The following LYPD1 variants were observed in gnomAD, a reference collection of about 807,000 sequenced individuals.
LYPD1 encodes the protein LY6/PLAUR domain containing 1, also known as ly6/PLAUR domain-containing protein 1.
LYPD1 carries 14 observed loss-of-function variants against 14.2 expected under a neutral mutation model. The observed-to-expected ratio is 0.99, with a 90% CI of 0.65 to 1.54. LYPD1 has a LOEUF of 1.54. LYPD1 is among the 40% of genes most tolerant of loss of function. The probability of loss-of-function intolerance (pLI) is 0.00; values close to 1 mark genes in which losing one functional copy is unlikely to be tolerated. For synonymous variants in LYPD1, 85 were observed against 70.6 expected (o/e 1.20, Z -1.02); for missense variants, 165 against 175.7 (o/e 0.94, Z 0.34).
chr2:132,661,760 AT>A (rs1290107443), intron 2 of LYPD1, among the ~76,000 whole-genome samples: 1 of 152,164 alleles, frequency 6.6e-6, no homozygotes, highest in East Asian at 1.9e-4. Flanking sequence ...GTGACTGCTA[AT>A]AAAATAAAGT....
chr2:132,665,845 T>A (rs994259458), intron 2 of LYPD1, among the ~76,000 whole-genome samples: 1 of 152,176 alleles, frequency 6.6e-6, no homozygotes, highest in Non-Finnish European at 1.5e-5. Context: ...TGAACAAAAC[T>A]CCCAGCAAGA....
chr2:132,667,037 T>A (rs1458180886), intron 2 of LYPD1: 2 of 152,182 alleles, frequency 1.3e-5, no homozygotes, highest in African/African-American at 4.8e-5. Flanking sequence ...GGCAGTAAAT[T>A]CTTTGCTCAG....
intron 2 of LYPD1, among the ~76,000 whole-genome samples, chr2:132,654,001 ACG>A (rs1324951092): frequency 9.8e-5 from 2 of 20,408 alleles, no homozygotes; most frequent in East Asian, 3.3e-3. Context: ...ATGAAATGCA[ACG>A]TGGGATCCTG....
rs1204134148 is a variant in LYPD1 at position 132,669,004 on chromosome 2, A to T, written c.53-467T>A. On this transcript the variant is annotated intron_variant, in intron 1 of 2. Transcript: ENST00000397463. The surrounding 1 kb of genome is among the most constrained non-coding windows in gnomAD (Gnocchi z 4.3). ...TTAGTTTTTATTTATTTAATTTTTAAAGTCAGCGTTTCTGTGCCAGGGCTC... is the reference window on the plus strand; with the variant it reads ...TTAGTTTTTATTTATTTAATTTTTATAGTCAGCGTTTCTGTGCCAGGGCTC... Among the ~76,000 whole-genome samples, 2 of 152,180 alleles carry T rather than the reference A, an allele frequency of 1.3e-5. No individual in the cohort carries two copies. Among genetic ancestry groups the T allele is most frequent in the Non-Finnish European group, 1.5e-5 (1 of 68,034 alleles).
At chr2:132,648,100 A>G (rs955556530) in intron 2 of LYPD1, among the ~76,000 whole-genome samples, 2 of 152,214 alleles carry the variant, frequency 1.3e-5, no homozygotes. Context: ...TTGATTTCTA[A>G]GGAATACACT....
At chr2:132,656,970 T>A (rs1682632897) in intron 2 of LYPD1, among the ~76,000 whole-genome samples, 1 of 152,192 alleles carries the variant, frequency 6.6e-6, no homozygotes, top group Non-Finnish European at 1.5e-5. Flanking sequence ...AAAATAAATG[T>A]GTTTCTGAAA....
Position 132,645,666 on chromosome 2 carries a change from C to G in LYPD1, c.*379G>C. On this transcript the variant is annotated 3_prime_UTR_variant, in exon 3 of 3. Transcript: ENST00000397463. The stretch of plus-strand genomic sequence containing the variant: ...CCTCCAGCCCTAAGAAAACGTCACT[C>G]TCACTCTGCAGTCTCAAACTATGCC... 4 of 1,554,718 alleles carry G rather than the reference C, an allele frequency of 2.6e-6. No individual in the cohort carries two copies. The highest frequency in any genetic ancestry group is 2.2e-5 in the East Asian group (1 of 44,518).
Position 132,645,496 on chromosome 2 carries a change from G to T in LYPD1, c.*549C>A. 9 of 1,613,774 alleles carry T rather than the reference G, an allele frequency of 5.6e-6. No individual in the cohort carries two copies. Among genetic ancestry groups the T allele is most frequent in the Non-Finnish European group, 7.6e-6 (9 of 1,180,040 alleles). On this transcript the variant is annotated 3_prime_UTR_variant, in exon 3 of 3. Transcript: ENST00000397463. ...CTTAAGCACTTTTCAGAGCGAGGCC[G>T]AGCCCCAGTCTAAGTCCCAGTCATT...
chr2:132,653,631 A>G (rs561088469), intron 2 of LYPD1, among the ~76,000 whole-genome samples: 1 of 152,342 alleles, frequency 6.6e-6, no homozygotes, highest in African/African-American at 2.4e-5. Context: ...CAGTGTATTT[A>G]TATAGTTTCA....
chr2:132,644,625 T>G lies in LYPD1; in HGVS notation c.*1420A>C, dbSNP rs1681953060. Among the ~76,000 whole-genome samples, 1 of 152,358 alleles carries G rather than the reference T, an allele frequency of 6.6e-6. No homozygotes were observed. Among genetic ancestry groups the G allele is most frequent in the African/African-American group, 2.4e-5 (1 of 41,590 alleles). ...TGCTGCTTTGTTGCCAAAGGGACAC[T>G]TCTTCCATTTGATTTAAAAATATCA... On this transcript the variant is annotated 3_prime_UTR_variant, in exon 3 of 3. Transcript: ENST00000397463.
intron 2 of LYPD1, among the ~76,000 whole-genome samples, chr2:132,654,983 C>T (rs1044453388): frequency 2.1e-4 from 32 of 152,076 alleles, no homozygotes; most frequent in Admixed American, 7.2e-4. Context: ...CTCCTGACCT[C>T]GTGATCCCAA....
rs1681907201 is a variant in LYPD1 at position 132,643,537 on chromosome 2, A to ATTGGTTTATTGGTTTATT, written c.*2507_*2508insAATAAACCAATAAACCAA. 6.6e-6 allele frequency among the ~76,000 whole-genome samples: 1 copy of ATTGGTTTATTGGTTTATT among 152,086 alleles called. No homozygotes were observed. The highest frequency in any genetic ancestry group is 1.5e-5 in the Non-Finnish European group (1 of 68,018). ...AGCATTTATTTATTGGTTTATTGAG[A>ATTGGTTTATTGGTTTATT]CAGTTTCACTCTGTCAGCCAGGCTG... On this transcript the variant is annotated 3_prime_UTR_variant, in exon 3 of 3. Transcript: ENST00000397463.
At chr2:132,649,627 ACT>A (rs1682275516) in intron 2 of LYPD1, among the ~76,000 whole-genome samples, 1 of 152,172 alleles carries the variant, frequency 6.6e-6, no homozygotes, top group Admixed American at 6.5e-5. Context: ...GGCTGCCTGC[ACT>A]GGTGCAACTG....
intron 2 of LYPD1, among the ~76,000 whole-genome samples, chr2:132,647,715 G>GTCT: frequency 6.6e-6 from 1 of 152,288 alleles, no homozygotes; most frequent in South Asian, 2.1e-4. Context: ...GAATTAACAG[G>GTCT]TCTTAATCCT....
chr2:132,669,961 G>A lies in LYPD1; in HGVS notation c.-29C>T. On this transcript the variant is annotated 5_prime_UTR_variant, in exon 1 of 3. Coordinates refer to ENST00000397463, the MANE Select transcript of LYPD1 (RefSeq NM_144586.7). The surrounding 1 kb of genome is among the most constrained non-coding windows in gnomAD (Gnocchi z 4.3). ...CCCGGAGTCCCGGGGCCGGGAGAGG[G>A]CAAGCGCATCAGAGGAGGCGACAGC... 1.9e-6 allele frequency: 3 copies of A among 1,610,166 alleles called. No individual in the cohort carries two copies. The highest frequency in any genetic ancestry group is 2.5e-6 in the Non-Finnish European group (3 of 1,179,102).
chr2:132,654,740 CATTTATTTATTT>C (rs67623007), intron 2 of LYPD1, among the ~76,000 whole-genome samples: 14 of 149,906 alleles, frequency 9.3e-5, no homozygotes, highest in Admixed American at 6.6e-4. Flanking sequence ...GCCTCTTTCC[CATTTATTTATTT>C]ATTTATTTAT....
intron 2 of LYPD1, among the ~76,000 whole-genome samples, chr2:132,651,448 G>C (rs901951535): frequency 6.6e-6 from 1 of 152,188 alleles, no homozygotes; most frequent in African/African-American, 2.4e-5. Context: ...GGGCCTGAGG[G>C]AGGAGGAGCT....
intron 2 of LYPD1, among the ~76,000 whole-genome samples, chr2:132,659,721 T>G (rs1033186254): frequency 6.6e-6 from 1 of 152,198 alleles, no homozygotes; most frequent in African/African-American, 2.4e-5. Flanking sequence ...CCTTTCCCTT[T>G]GAAGGCACAG....
At chr2:132,650,222 CTCATA>C (rs1212456756) in intron 2 of LYPD1, among the ~76,000 whole-genome samples, 3 of 152,124 alleles carry the variant, frequency 2.0e-5, no homozygotes, top group African/African-American at 4.8e-5. Context: ...AAGATACTCT[CTCATA>C]TCATAAGAAG....
Sources: gnomAD v4.1 joint callset for allele counts (sites outside exome capture counted in the v4.1 genomes callset) on GRCh38, gnomAD v4.1.1 for gene constraint, Gnocchi (gnomAD v3.1) non-coding constraint, MANE v1.5 for transcripts, NCBI Gene and HGNC (gene_info 2026-07-23, HGNC 2026-07-21) for gene names.